The following LAMC3 variants were observed in gnomAD, a reference collection of about 807,000 sequenced individuals.
The protein encoded by LAMC3 is laminin subunit gamma 3, also known as laminin subunit gamma-3.
LAMC3 carries 128 observed loss-of-function variants against 173.8 expected under a neutral mutation model. That is an observed-to-expected ratio of 0.74 (90% CI 0.64 to 0.85). The LOEUF is 0.85. Ranked by LOEUF, LAMC3 falls within the 40% of genes least tolerant of loss-of-function variation. The pLI is 0.00. For missense variants in LAMC3, 2,022 were observed against 2,156.0 expected (o/e 0.94, Z 1.23); for synonymous variants, 897 against 909.1 (o/e 0.99, Z 0.24).
intron 13 of LAMC3, among the ~76,000 whole-genome samples, chr9:131,064,527 G>T (rs989346493): frequency 6.6e-6 from 1 of 152,100 alleles, no homozygotes; most frequent in South Asian, 2.1e-4. Flanking sequence ...GCCGGGCGAG[G>T]TGGCGGGCGC....
Position 131,026,209 on chromosome 9 carries a change from C to G in LAMC3, c.374-76C>G. 6.3e-7 allele frequency: 1 copy of G among 1,592,994 alleles called. No individual in the cohort carries two copies. Among genetic ancestry groups the G allele is most frequent in the Admixed American group, 1.8e-5 (1 of 56,870 alleles). On this transcript the variant is annotated intron_variant, in intron 1 of 27. Transcript: ENST00000361069. The surrounding 1 kb of genome is among the most constrained non-coding windows in gnomAD (Gnocchi z 4.8). ...ATCCACGCTAGTGCCTGCAATGCAGCCGTCTGTCCTTCCTAGACCAGGATT... is the reference window on the plus strand; with the variant it reads ...ATCCACGCTAGTGCCTGCAATGCAGGCGTCTGTCCTTCCTAGACCAGGATT...
chr9:131,049,314 C>A (rs1027850896), intron 9 of LAMC3, among the ~76,000 whole-genome samples, 184 bp downstream of exon 9: 1 of 152,180 alleles, frequency 6.6e-6, no homozygotes, highest in African/African-American at 2.4e-5. Context: ...CTTCTGGAGG[C>A]CCATGGGAAA....
chr9:131,072,565 G>A lies in LAMC3; in HGVS notation c.3212-65G>A, dbSNP rs73554455. On this transcript the variant is annotated intron_variant, in intron 18 of 27. Coordinates refer to ENST00000361069, the MANE Select transcript of LAMC3 (RefSeq NM_006059.4). ...TGGAGGCCACAGAAGGGGACCCCTG[G>A]GGGTGGGGGCTTTTGTGTGACATCT... 9.3e-3 allele frequency: 13,006 copies of A among 1,398,840 alleles called. 952 individuals carry two copies. The African/African-American group carries it at 0.16, about 17-fold the overall frequency. 86.7% of individuals were successfully genotyped at this position (1,398,840 alleles called of 1,614,324 possible).
intron 8 of LAMC3, among the ~76,000 whole-genome samples, chr9:131,048,678 A>G (rs1217941709): frequency 6.6e-6 from 1 of 152,102 alleles, no homozygotes; most frequent in Non-Finnish European, 1.5e-5. Flanking sequence ...GCTGTTAATG[A>G]CATGGGCCAC....
At chr9:131,065,238 CGTCT>C (rs905073502) in intron 13 of LAMC3, among the ~76,000 whole-genome samples, 62 of 152,056 alleles carry the variant, frequency 4.1e-4, no homozygotes, top group African/African-American at 1.4e-3. Flanking sequence ...TTTTATGCTC[CGTCT>C]ATGTCCAGAG....
chr9:131,030,670 A>G (rs1261654333), intron 2 of LAMC3, among the ~76,000 whole-genome samples: 2 of 152,184 alleles, frequency 1.3e-5, no homozygotes, highest in Non-Finnish European at 1.5e-5. Context: ...ACCATACAAT[A>G]TGTGTCAGTA....
intron 27 of LAMC3, 127 bp downstream of exon 27, chr9:131,087,944 A>G: frequency 1.3e-6 from 1 of 773,570 alleles, no homozygotes; most frequent in South Asian, 1.5e-5. Flanking sequence ...CCGCATCCCC[A>G]TCTTTGTGGT....
chr9:131,061,088 C>A lies in LAMC3; in HGVS notation c.2212C>A (p.Pro738Thr). ...GGGCCCATCCTGTGAACGCTGTTTG[C>A]CAGGTTTCTATGGCAACCCTTTCGC... Reference protein sequence around the residue: ...TEGPSCERCLPGFYGNPFAGQ... With the variant: ...TEGPSCERCLTGFYGNPFAGQ... The change falls in exon 13 of 28, where the codon CCA (proline) becomes ACA (threonine). Residue 738 changes from proline (P) to threonine (T), a missense_variant. Pro to Thr is a conservative substitution (Grantham distance 38). Transcript: ENST00000361069. The A allele has an allele frequency of 1.2e-6, 2 of 1,614,160 alleles. No homozygotes were observed. Among genetic ancestry groups the A allele is most frequent in the Non-Finnish European group, 1.7e-6 (2 of 1,180,030 alleles).
chr9:131,069,941 A>T (rs1830011678), intron 17 of LAMC3, 91 bp downstream of exon 17: 1 of 1,324,792 alleles, frequency 7.5e-7, no homozygotes, highest in African/African-American at 1.5e-5. Flanking sequence ...CTGCCTGCTT[A>T]CCCCCAGTGC....
intron 27 of LAMC3, among the ~76,000 whole-genome samples, chr9:131,089,152 A>T: frequency 8.1e-6 from 1 of 124,174 alleles, no homozygotes; most frequent in South Asian, 2.8e-4. Flanking sequence ...AGGGTGGGGA[A>T]CATCACACAC....
At chr9:131,056,196 T>TCTTAAAAACAACCAAAA (rs1441245783) in intron 11 of LAMC3, among the ~76,000 whole-genome samples, 10 of 151,642 alleles carry the variant, frequency 6.6e-5, no homozygotes, top group Non-Finnish European at 2.9e-5. Context: ...ATTCTGTCTC[T>TCTTAAAAACAACCAAAA]CTTAAAAACA....
intron 1 of LAMC3, among the ~76,000 whole-genome samples, chr9:131,017,314 T>C (rs1488056603): frequency 6.6e-6 from 1 of 152,176 alleles, no homozygotes; most frequent in Non-Finnish European, 1.5e-5. Flanking sequence ...TGGGAGTTCA[T>C]GCAAACGAGC....
At position 131,079,187 on chromosome 9, in the gene LAMC3, G is replaced by A. The variant is rs137860939; in HGVS notation, c.3816G>A (p.Ala1272=). The change falls in exon 23 of 28, where the codon GCG becomes GCA. Residue 1272 remains alanine (A), a synonymous_variant. Transcript: ENST00000361069. ...KSRAEDLGLK[A]KALEKTVASW... is the part of the protein sequence containing the mutation. ...GGGCTGAAGACCTGGGCCTGAAGGC[G>A]AAGGCCCTGGAGAAGACAGTTGCAT... The A allele has an allele frequency of 4.8e-5, 77 of 1,613,942 alleles. 1 individual carries two copies. The African/African-American group carries it at 5.3e-4, about 11-fold the overall frequency.
At chr9:131,064,401 C>T (rs549365416) in intron 13 of LAMC3, among the ~76,000 whole-genome samples, 5 of 152,320 alleles carry the variant, frequency 3.3e-5, no homozygotes, top group South Asian at 2.1e-4. Flanking sequence ...CAGTGGCTCA[C>T]GCCTGTAATC....
intron 12 of LAMC3, among the ~76,000 whole-genome samples, chr9:131,060,131 AG>A (rs1829779241): frequency 6.6e-6 from 1 of 152,224 alleles, no homozygotes; most frequent in Admixed American, 6.5e-5. Flanking sequence ...GGGCAGGAAC[AG>A]GGGTTCCCTC....
intron 24 of LAMC3, among the ~76,000 whole-genome samples, chr9:131,084,980 T>A (rs1157589516): frequency 6.6e-6 from 1 of 152,252 alleles, no homozygotes; most frequent in East Asian, 1.9e-4. Context: ...TTTCCCTTTT[T>A]GTCTTGATTG....
rs1288578540 is a variant in LAMC3 at position 131,032,136 on chromosome 9, C to T, written c.770C>T (p.Ser257Phe). 3 of 1,613,916 alleles carry T rather than the reference C, an allele frequency of 1.9e-6. No homozygotes were observed. Among genetic ancestry groups the T allele is most frequent in the Admixed American group, 3.3e-5 (2 of 59,986 alleles). The stretch of plus-strand genomic sequence containing the variant: ...TTCAAGGACCCCAAGGTGCTCCAGT[C>T]CTACTATTATGCCGTGTCCGACTTC... The part of the protein sequence containing the change: ...DIFKDPKVLQ[S>F]YYYAVSDFSV... The change falls in exon 3 of 28, where the codon TCC (serine) becomes TTC (phenylalanine). Residue 257 changes from serine to phenylalanine, a missense_variant. Transcript: ENST00000361069.
chr9:131,088,399 G>A (rs958158613), intron 27 of LAMC3, among the ~76,000 whole-genome samples: 12 of 151,980 alleles, frequency 7.9e-5, no homozygotes, highest in Non-Finnish European at 1.0e-4. Flanking sequence ...AGTAAATAGC[G>A]GCTCGTAGGA....
In LAMC3 at chr9:131,036,331, G is replaced by A. The variant is rs1833944510; in HGVS notation, c.975G>A (p.Leu325=). The part of the protein sequence containing the change: ...RGTAEAAHEC[L]PCNCSGRSEE... Reference sequence around the variant, plus strand: ...CCGCCGAGGCTGCCCACGAGTGTCTGCGTGAGTGTCTGAGTGTCACAGGGC... The same window carrying A: ...CCGCCGAGGCTGCCCACGAGTGTCTACGTGAGTGTCTGAGTGTCACAGGGC... Residue 325 remains leucine, a splice_region_variant and synonymous_variant, in exon 4 of 28, where the codon CTG becomes CTA. Coordinates refer to ENST00000361069, the MANE Select transcript of LAMC3 (RefSeq NM_006059.4). 1.9e-6 allele frequency: 3 copies of A among 1,612,710 alleles called. No individual in the cohort carries two copies. The highest frequency in any genetic ancestry group is 2.5e-6 in the Non-Finnish European group (3 of 1,179,512).
Sources: gnomAD v4.1 joint callset for allele counts (sites outside exome capture counted in the v4.1 genomes callset) on GRCh38, gnomAD v4.1.1 for gene constraint, Gnocchi (gnomAD v3.1) non-coding constraint, MANE v1.5 for transcripts, NCBI Gene and HGNC (gene_info 2026-07-23, HGNC 2026-07-21) for gene names.